The following KCNMA1 variants were observed in gnomAD, a reference collection of about 807,000 sequenced individuals.
KCNMA1 encodes potassium calcium-activated channel subfamily M alpha 1.
KCNMA1 carries 29 observed loss-of-function variants against 140.0 expected under a neutral mutation model. The ratio of observed to expected loss-of-function variants is 0.21; its 90% CI spans 0.15 to 0.28. The LOEUF (loss-of-function observed/expected upper bound fraction) is 0.28. Among genes scored for constraint, KCNMA1 ranks in the 10% least tolerant of loss-of-function variants. KCNMA1 has a pLI of 1.00. For synonymous variants in KCNMA1, 612 were observed against 611.9 expected (o/e 1.00, Z 0.00); for missense variants, 880 against 1,602.2 (o/e 0.55, Z 7.70).
At chr10:77,358,531 A>G (rs535079368) in intron 2 of KCNMA1, among the ~76,000 whole-genome samples, 79 of 152,030 alleles carry the variant, frequency 5.2e-4, no homozygotes, top group African/African-American at 1.8e-3. Context: ...CTCCTTCTCC[A>G]AGACATTCCC....
At chr10:77,257,280 A>G (rs923504253) in intron 2 of KCNMA1, among the ~76,000 whole-genome samples, 1 of 152,240 alleles carries the variant, frequency 6.6e-6, no homozygotes, top group African/African-American at 2.4e-5. Flanking sequence ...ACCTATGCAC[A>G]AGGGCCAGAG....
intron 15 of KCNMA1, among the ~76,000 whole-genome samples, chr10:77,032,524 G>A (rs762518808): frequency 3.9e-5 from 6 of 152,074 alleles, no homozygotes; most frequent in Non-Finnish European, 8.8e-5. Context: ...TATGTCCAAC[G>A]CAGGAAGTTG....
intron 2 of KCNMA1, among the ~76,000 whole-genome samples, chr10:77,324,367 T>C (rs145003890): frequency 6.6e-6 from 1 of 152,290 alleles, no homozygotes; most frequent in Non-Finnish European, 1.5e-5. Flanking sequence ...AATTACATGA[T>C]GTCATGCCAT....
intron 1 of KCNMA1, among the ~76,000 whole-genome samples, chr10:77,597,137 CCCTGACAACAA>C (rs1304368546): frequency 2.0e-5 from 3 of 152,074 alleles, no homozygotes; most frequent in Admixed American, 6.6e-5. Context: ...AGAAACCATA[CCCTGACAACAA>C]CCTGAAAGTC....
chr10:76,983,480 C>T (rs1395650280), intron 19 of KCNMA1, among the ~76,000 whole-genome samples: 1 of 152,140 alleles, frequency 6.6e-6, no homozygotes, highest in Non-Finnish European at 1.5e-5. Flanking sequence ...CATTTGTAAT[C>T]CCAGCACTTT....
chr10:77,636,858 C>T (rs1246441733), intron 1 of KCNMA1: 2 of 1,429,036 alleles, frequency 1.4e-6, no homozygotes, highest in Non-Finnish European at 1.8e-6. Flanking sequence ...CCGCCAGGAG[C>T]CGAGCCCCGG....
intron 3 of KCNMA1, among the ~76,000 whole-genome samples, chr10:77,231,108 C>T (rs1249793446): frequency 6.6e-6 from 1 of 152,162 alleles, no homozygotes; most frequent in African/African-American, 2.4e-5. Flanking sequence ...ATTTTGCTAA[C>T]ATTATCAAAA....
chr10:77,445,853 G>A (rs58398791), intron 1 of KCNMA1, among the ~76,000 whole-genome samples: 3,368 of 152,236 alleles, frequency 0.022, 139 homozygotes, highest in African/African-American at 0.077. Flanking sequence ...ATCACAAAAT[G>A]CCATGACAAC....
At chr10:77,472,662 C>T (rs2098191265) in intron 1 of KCNMA1, among the ~76,000 whole-genome samples, 1 of 152,202 alleles carries the variant, frequency 6.6e-6, no homozygotes, top group Non-Finnish European at 1.5e-5. Flanking sequence ...CTGATTTTCC[C>T]ACATCTAAAA....
At chr10:77,165,166 C>T (rs780507404) in intron 5 of KCNMA1, among the ~76,000 whole-genome samples, 20 of 152,124 alleles carry the variant, frequency 1.3e-4, no homozygotes, top group Non-Finnish European at 1.9e-4. Context: ...TTATCCTCCA[C>T]AGAAATGACC....
intron 3 of KCNMA1, among the ~76,000 whole-genome samples, chr10:77,217,047 T>G (rs1436192314): frequency 6.6e-6 from 1 of 152,056 alleles, no homozygotes; most frequent in Non-Finnish European, 1.5e-5. Context: ...GCTCACGCTT[T>G]TAATCCCAGC....
intron 1 of KCNMA1, among the ~76,000 whole-genome samples, chr10:77,575,227 C>T (rs2073632975): frequency 6.6e-6 from 1 of 152,200 alleles, no homozygotes; most frequent in African/African-American, 2.4e-5. Flanking sequence ...ACAGCATCAG[C>T]TCCCTGAATA....
intron 2 of KCNMA1, among the ~76,000 whole-genome samples, chr10:77,306,359 C>G (rs2077720144): frequency 1.3e-5 from 2 of 152,164 alleles, no homozygotes; most frequent in Non-Finnish European, 2.9e-5. Context: ...CTAACCTGAT[C>G]TGGTAGGGGT....
chr10:77,069,066 C>T (rs1228200414), intron 14 of KCNMA1, among the ~76,000 whole-genome samples: 1 of 152,138 alleles, frequency 6.6e-6, no homozygotes, highest in Non-Finnish European at 1.5e-5. Flanking sequence ...TCTTAAATTA[C>T]ATCCAAGTGA....
intron 1 of KCNMA1, among the ~76,000 whole-genome samples, chr10:77,440,283 A>G (rs991210605): frequency 6.6e-6 from 1 of 152,218 alleles, no homozygotes; most frequent in Non-Finnish European, 1.5e-5. Context: ...CACGTTTTTA[A>G]TACTGACATC....
chr10:77,134,600 T>G (rs760618292), intron 5 of KCNMA1, among the ~76,000 whole-genome samples: 3 of 152,032 alleles, frequency 2.0e-5, no homozygotes, highest in East Asian at 1.9e-4. Flanking sequence ...GTCAGGGCAA[T>G]AATTTTTTGG....
chr10:77,006,043 C>A (rs1336413324), intron 18 of KCNMA1, among the ~76,000 whole-genome samples: 1 of 152,152 alleles, frequency 6.6e-6, no homozygotes, highest in Non-Finnish European at 1.5e-5. Context: ...TGCTGGCTGG[C>A]CTTTCTGAGC....
chr10:77,123,569 A>G (rs2097672588), intron 5 of KCNMA1, among the ~76,000 whole-genome samples: 2 of 152,186 alleles, frequency 1.3e-5, no homozygotes, highest in African/African-American at 4.8e-5. Flanking sequence ...GTAGAAGGCG[A>G]CTGGCAGTTA....
At chr10:77,192,592 G>C (rs2038965627) in intron 3 of KCNMA1, among the ~76,000 whole-genome samples, 1 of 152,138 alleles carries the variant, frequency 6.6e-6, no homozygotes. Context: ...GTAAACTGGG[G>C]ATAAGGTTAC....
Sources: gnomAD v4.1 joint callset for allele counts (sites outside exome capture counted in the v4.1 genomes callset) on GRCh38, gnomAD v4.1.1 for gene constraint, MANE v1.5 for transcripts, NCBI Gene and HGNC (gene_info 2026-07-23, HGNC 2026-07-21) for gene names.